The following MTMR2 variants were observed in gnomAD, a reference collection of about 807,000 sequenced individuals.
The protein encoded by MTMR2 is myotubularin related protein 2.
MTMR2 carries 55 observed loss-of-function variants against 86.9 expected under a neutral mutation model. That is an observed-to-expected ratio of 0.63 (90% confidence interval 0.51 to 0.79). The LOEUF (loss-of-function observed/expected upper bound fraction) is 0.79, where lower values mean the gene tolerates loss of function less well. MTMR2 is among the 30% of genes least tolerant of loss of function. The probability of loss-of-function intolerance (pLI) is 0.00; values close to 1 mark genes in which losing one functional copy is unlikely to be tolerated. For missense variants in MTMR2, 659 were observed against 772.3 expected (o/e 0.85, Z 1.74); for synonymous variants, 241 against 266.8 (o/e 0.90, Z 0.94).
At chr11:95,894,697 G>T (rs1865822686) in intron 1 of MTMR2, among the ~76,000 whole-genome samples, 1 of 152,076 alleles carries the variant, frequency 6.6e-6, no homozygotes, top group African/African-American at 2.4e-5. Flanking sequence ...TTTCAAAAGA[G>T]TTTCTTGAAA....
rs558860440 is a variant in MTMR2, at chr11:95,863,461, A to G, written c.263-1095T>C. Among the ~76,000 whole-genome samples, 57 of 152,324 alleles carry G rather than the reference A, an allele frequency of 3.7e-4. 2 individuals are homozygous for G. The South Asian group carries it at 0.011, about 30-fold the overall frequency. On this transcript the variant is annotated intron_variant, in intron 3 of 14. Transcript: ENST00000346299. ...CATTTTAAGTATAAACTACTTTTTTAAATCGTTTCGAATGCATATTTCATT... is the reference window on the plus strand; with the variant it reads ...CATTTTAAGTATAAACTACTTTTTTGAATCGTTTCGAATGCATATTTCATT...
rs967281078 is a variant in MTMR2, at chr11:95,833,988, A to C, written c.*1302T>G. 2 of 152,402 alleles carry C rather than the reference A, an allele frequency of 1.3e-5. No homozygotes were observed. The highest frequency in any genetic ancestry group is 2.9e-5 in the Non-Finnish European group (2 of 67,996). The allele number at this position is 152,402 out of a possible 1,614,324, so 9.4% of individuals were successfully genotyped here. A position where few individuals can be genotyped will look rare whatever the true frequency, so the allele number is the denominator to read the frequency against. ...TGATTTGGGTGTTGGTTAAGGAAAAATGGGTACAAACTGAACATTTTCATC... is the reference window on the plus strand; with the variant it reads ...TGATTTGGGTGTTGGTTAAGGAAAACTGGGTACAAACTGAACATTTTCATC... On this transcript the variant is annotated 3_prime_UTR_variant, in exon 15 of 15. Coordinates refer to ENST00000346299, the MANE Select transcript of MTMR2 (RefSeq NM_016156.6).
At chr11:95,858,125 C>T (rs1040651646) in intron 6 of MTMR2, among the ~76,000 whole-genome samples, 1 of 152,074 alleles carries the variant, frequency 6.6e-6, no homozygotes, top group Admixed American at 6.6e-5. Context: ...ATGATATAAA[C>T]GTGGGAGTCT....
chr11:95,845,136 C>T lies in MTMR2; in HGVS notation c.1203G>A (p.Arg401=). 1 of 1,613,814 alleles carries T rather than the reference C, an allele frequency of 6.2e-7. No homozygotes were observed. ...TCCCTGACTCTACCTTGTCAGCAAT[C>T]CTAAGAGCCCCTGCAAGAATAAGCT... ...HIKLILAGAL[R]IADKVESGKT... is the part of the protein sequence containing the mutation. Residue 401 remains arginine (R), a synonymous_variant, in exon 11 of 15, where the codon AGG becomes AGA. Transcript: ENST00000346299.
At chr11:95,854,564 C>T (rs1381262084) in intron 7 of MTMR2, among the ~76,000 whole-genome samples, 2 of 152,134 alleles carry the variant, frequency 1.3e-5, no homozygotes, top group African/African-American at 4.8e-5. Context: ...CTCCAGGGCT[C>T]AAGCAATCCT....
chr11:95,849,900 C>G, intron 8 of MTMR2, 38 bp from the exon 9 acceptor site: 1 of 1,531,440 alleles, frequency 6.5e-7, no homozygotes. Context: ...CTTTTACATA[C>G]TTCTCTGTTT....
chr11:95,890,970 T>C (rs537916163), intron 1 of MTMR2, among the ~76,000 whole-genome samples: 13 of 152,336 alleles, frequency 8.5e-5, no homozygotes, highest in Admixed American at 5.2e-4. Context: ...TCAAACACAA[T>C]ATAGCAATCA....
intron 11 of MTMR2, 106 bp from the exon 12 acceptor site, chr11:95,841,815 G>T: frequency 1.1e-6 from 1 of 890,448 alleles, no homozygotes; most frequent in Non-Finnish European, 1.8e-6. Context: ...AATTTTCAAA[G>T]TCGGGTGCTG....
intron 7 of MTMR2, among the ~76,000 whole-genome samples, chr11:95,855,099 T>C (rs184431641): frequency 3.9e-4 from 59 of 152,102 alleles, no homozygotes; most frequent in Middle Eastern, 3.4e-3. Flanking sequence ...TGTGAGCCAC[T>C]GTGCCCAGAT....
intron 7 of MTMR2, among the ~76,000 whole-genome samples, chr11:95,856,223 G>A (rs890488504): frequency 9.7e-5 from 11 of 113,324 alleles, no homozygotes; most frequent in African/African-American, 3.8e-4. Flanking sequence ...TAAAGGGAGG[G>A]GAACTGGAAT....
At position 95,887,423 on chromosome 11, in the gene MTMR2, A is replaced by G. The variant is rs181463096; in HGVS notation, c.186+733T>C. On this transcript the variant is annotated intron_variant, in intron 2 of 14. Coordinates refer to ENST00000346299, the MANE Select transcript of MTMR2 (RefSeq NM_016156.6). ...GTTTATTGTTTCGTGTTTTTTGGAGAAAAAAAAAACGATTATGAAGTAAAG... is the reference window on the plus strand; with the variant it reads ...GTTTATTGTTTCGTGTTTTTTGGAGGAAAAAAAAACGATTATGAAGTAAAG... Among the ~76,000 whole-genome samples the G allele has an allele frequency of 6.3e-3, 833 of 131,200 alleles. 11 individuals carry two copies. The highest frequency in any genetic ancestry group is 0.02 in the African/African-American group (773 of 38,524). 86.1% of individuals were successfully genotyped at this position (131,200 alleles called of 152,430 possible).
chr11:95,865,970 T>C (rs1294486453), intron 2 of MTMR2, among the ~76,000 whole-genome samples: 2 of 152,306 alleles, frequency 1.3e-5, no homozygotes, highest in Admixed American at 1.3e-4. Context: ...AAAGAGGTAT[T>C]ATATCCTCAT....
At chr11:95,887,884 T>A (rs1865569682) in intron 2 of MTMR2, 1 of 387,320 alleles carries the variant, frequency 2.6e-6, no homozygotes, top group African/African-American at 2.1e-5. Context: ...ATTATGAGAA[T>A]AATCATAAAA....
At chr11:95,841,257 T>TA (rs1344492904) in intron 12 of MTMR2, among the ~76,000 whole-genome samples, 2 of 152,116 alleles carry the variant, frequency 1.3e-5, no homozygotes, top group Non-Finnish European at 2.9e-5. Context: ...AATTAACAGT[T>TA]AAAGTTACTT....
intron 1 of MTMR2, among the ~76,000 whole-genome samples, chr11:95,896,867 C>CT (rs1417951193): frequency 6.9e-6 from 1 of 144,088 alleles, no homozygotes; most frequent in African/African-American, 2.6e-5. Flanking sequence ...ACAAACATTT[C>CT]TTTTAAGAGG....
chr11:95,896,957 TG>T (rs1247684513), intron 1 of MTMR2, among the ~76,000 whole-genome samples: 1 of 151,638 alleles, frequency 6.6e-6, no homozygotes, highest in Admixed American at 6.6e-5. Flanking sequence ...TTATTTTCAC[TG>T]GGATGGTTAA....
At chr11:95,909,415 T>C (rs1342371566) in intron 1 of MTMR2, among the ~76,000 whole-genome samples, 1 of 152,184 alleles carries the variant, frequency 6.6e-6, no homozygotes, top group Non-Finnish European at 1.5e-5. Context: ...ATATTCTGAC[T>C]CAAACTCTGG....
intron 2 of MTMR2, among the ~76,000 whole-genome samples, chr11:95,886,422 G>T (rs1433080268): frequency 6.6e-6 from 1 of 152,160 alleles, no homozygotes; most frequent in Non-Finnish European, 1.5e-5. Context: ...TTGTCCAAAT[G>T]TAAGCCAGTC....
chr11:95,865,258 A>G (rs1304614745), intron 3 of MTMR2, among the ~76,000 whole-genome samples: 5 of 152,158 alleles, frequency 3.3e-5, no homozygotes, highest in East Asian at 1.9e-4. Context: ...AGGCAACTCA[A>G]TATCTGAATA....
Sources: allele counts gnomAD v4.1 joint callset (sites outside exome capture counted in the v4.1 genomes callset), GRCh38; gene constraint gnomAD v4.1.1; transcripts MANE v1.5; gene names NCBI Gene and HGNC (gene_info 2026-07-23, HGNC 2026-07-21).